USP24: variants seen among roughly 807,000 people sequenced by gnomAD.
The protein encoded by USP24 is ubiquitin carboxyl-terminal hydrolase 24.
A neutral mutation model predicts 361.6 loss-of-function variants in USP24; 97 were observed. The observed-to-expected ratio is 0.27, with a 90% CI of 0.23 to 0.32. The LOEUF (loss-of-function observed/expected upper bound fraction) is 0.32. Ranked by LOEUF, USP24 falls within the 10% of genes least tolerant of loss-of-function variation. The pLI, the probability that USP24 is intolerant of heterozygous loss-of-function variation, is 1.00. For missense variants in USP24, 2,353 were observed against 3,165.6 expected, an observed-to-expected ratio of 0.74 and a Z score of 6.16; for synonymous variants, 1,098 against 1,124.6, an observed-to-expected ratio of 0.98 and a Z score of 0.47.
At chr1:55,154,049 T>C (rs561082540) in intron 15 of USP24, 70 bp downstream of exon 15, 53 of 1,600,636 alleles carry the variant, frequency 3.3e-5, no homozygotes, top group Non-Finnish European at 4.3e-5. Flanking sequence ...GGGAGGAAAA[T>C]TATTTGGCTC....
intron 1 of USP24, among the ~76,000 whole-genome samples, chr1:55,185,784 T>C (rs1371683959): frequency 6.6e-6 from 1 of 151,992 alleles, no homozygotes; most frequent in Admixed American, 6.6e-5. Context: ...GTCCAGCCTG[T>C]TCTCACACTC....
chr1:55,141,586 G>T, intron 24 of USP24, 30 bp downstream of exon 24: 1 of 1,553,632 alleles, frequency 6.4e-7, no homozygotes, highest in African/African-American at 1.4e-5. Flanking sequence ...ACATATGTGT[G>T]TTGTGTATTT....
At chr1:55,135,673 C>A (rs1404202068) in intron 28 of USP24, among the ~76,000 whole-genome samples, 1 of 151,964 alleles carries the variant, frequency 6.6e-6, no homozygotes, top group African/African-American at 2.4e-5. Flanking sequence ...AAGGTTTATG[C>A]TCTGTAAATT....
intron 31 of USP24, among the ~76,000 whole-genome samples, chr1:55,131,722 A>C (rs1646596673): frequency 6.6e-6 from 1 of 152,220 alleles, no homozygotes; most frequent in Non-Finnish European, 1.5e-5. Context: ...AACTTGGAAA[A>C]AATGCAGGTA....
intron 3 of USP24, among the ~76,000 whole-genome samples, chr1:55,174,887 T>G (rs1013594643): frequency 2.0e-5 from 3 of 152,206 alleles, no homozygotes; most frequent in African/African-American, 7.2e-5. Flanking sequence ...GCTTTTGGCC[T>G]CACAAAGTGC....
chr1:55,197,528 T>TTGTATGTG (rs1467714378), intron 1 of USP24, among the ~76,000 whole-genome samples: 1 of 152,216 alleles, frequency 6.6e-6, no homozygotes, highest in African/African-American at 2.4e-5. Context: ...GCACAGAGAA[T>TTGTATGTG]TGTATGTGTG....
intron 20 of USP24, among the ~76,000 whole-genome samples, chr1:55,145,710 T>C (rs1220550641): frequency 6.6e-6 from 1 of 152,204 alleles, no homozygotes; most frequent in Non-Finnish European, 1.5e-5. Flanking sequence ...AGGATTTCTA[T>C]ACCTTGATAC....
rs201743658 is a variant in USP24 at position 55,115,364 on chromosome 1, C to T, written c.4509-5118G>A. 6.3e-3 allele frequency among the ~76,000 whole-genome samples: 955 copies of T among 150,646 alleles called. 28 individuals carry two copies. Among genetic ancestry groups the T allele is most frequent in the East Asian group, 0.033 (167 of 5,128 alleles). ...ACAAAAAATTAGCCGGGCGTAGTGG[C>T]GGGCGCCTGTAGTCCCAGCTACCTG... On this transcript the variant is annotated intron_variant, in intron 38 of 67. Transcript: ENST00000294383.
At chr1:55,083,132 A>G in intron 58 of USP24, 140 bp downstream of exon 58, 1 of 705,798 alleles carries the variant, frequency 1.4e-6, no homozygotes. Flanking sequence ...AAGATAATTT[A>G]ACTCCAAAGA....
chr1:55,070,312 G>C lies in USP24; in HGVS notation c.7801-1205C>G, dbSNP rs188198528. Among the ~76,000 whole-genome samples the C allele has an allele frequency of 3.1e-3, 471 of 152,254 alleles. 3 individuals carry two copies. Among genetic ancestry groups the C allele is most frequent in the Non-Finnish European group, 5.3e-3 (363 of 68,014 alleles). ...TGGGTGCGGAGAGAATATGGAGTGAGGGCAGGAGGATACAGGTTAGAGACT... is the reference window on the plus strand; with the variant it reads ...TGGGTGCGGAGAGAATATGGAGTGACGGCAGGAGGATACAGGTTAGAGACT... On this transcript the variant is annotated intron_variant, in intron 67 of 67. Coordinates refer to ENST00000294383, the MANE Select transcript of USP24 (RefSeq NM_015306.3).
intron 16 of USP24, 29 bp from the exon 17 acceptor site, chr1:55,148,599 A>G: frequency 1.4e-6 from 2 of 1,467,746 alleles, no homozygotes; most frequent in Non-Finnish European, 1.8e-6. Flanking sequence ...TACATTAATT[A>G]AATTTAGAAA....
At chr1:55,176,503 A>G (rs964900131) in intron 2 of USP24, 60 bp from the exon 3 acceptor site, 42 of 1,433,712 alleles carry the variant, frequency 2.9e-5, no homozygotes, top group Non-Finnish European at 3.8e-5. Context: ...AGACCTTAGT[A>G]AAATGAATGA....
At chr1:55,173,191 AT>A (rs1384065084) in intron 3 of USP24, among the ~76,000 whole-genome samples, 1 of 152,200 alleles carries the variant, frequency 6.6e-6, no homozygotes, top group Non-Finnish European at 1.5e-5. Flanking sequence ...GTGAAAAAAA[AT>A]CTTAGAAATA....
chr1:55,199,507 G>T (rs1644506864), intron 1 of USP24, among the ~76,000 whole-genome samples: 1 of 151,974 alleles, frequency 6.6e-6, no homozygotes, highest in South Asian at 2.1e-4. Flanking sequence ...GAATGTCTTT[G>T]TCCTTAGGAG....
At chr1:55,131,658 G>T (rs1646594748) in intron 31 of USP24, among the ~76,000 whole-genome samples, 1 of 152,002 alleles carries the variant, frequency 6.6e-6, no homozygotes, top group Non-Finnish European at 1.5e-5. Context: ...AAGTGGAGTG[G>T]GAAAATGAAG....
At chr1:55,071,181 C>T in intron 67 of USP24, 2 of 986,134 alleles carry the variant, frequency 2.0e-6, no homozygotes, top group South Asian at 9.4e-5. Context: ...TATTCTGTAC[C>T]AAGTACTGTG....
chr1:55,100,745 A>C, intron 44 of USP24, 94 bp downstream of exon 44: 1 of 1,162,714 alleles, frequency 8.6e-7, no homozygotes, highest in Non-Finnish European at 1.1e-6. Flanking sequence ...AGATTAGTCT[A>C]AAGTTAATAA....
At chr1:55,081,279 G>C (rs1209051599) in intron 59 of USP24, 43 bp downstream of exon 59, 11 of 1,579,964 alleles carry the variant, frequency 7.0e-6, no homozygotes, top group Non-Finnish European at 9.6e-6. Context: ...CTCCAAGCTA[G>C]ACAAATTCAG....
At position 55,087,289 on chromosome 1, in the gene USP24, A is replaced by T. The variant is rs1645272665; in HGVS notation, c.6669-1251T>A. Among the ~76,000 whole-genome samples the T allele has an allele frequency of 3.3e-5, 5 of 152,328 alleles. No homozygotes were observed. In the South Asian group the frequency reaches 1.0e-3, roughly 32 times the overall value. ...AAAGAAACAAACTATAATAAACTCCATCAGGAAGAATGTAGAAGTAATTCA... is the reference window on the plus strand; with the variant it reads ...AAAGAAACAAACTATAATAAACTCCTTCAGGAAGAATGTAGAAGTAATTCA... On this transcript the variant is annotated intron_variant, in intron 55 of 67. Coordinates refer to ENST00000294383, the MANE Select transcript of USP24 (RefSeq NM_015306.3).
Sources: gnomAD v4.1 joint callset for allele counts (sites outside exome capture counted in the v4.1 genomes callset) on GRCh38, gnomAD v4.1.1 for gene constraint, MANE v1.5 for transcripts, NCBI Gene and HGNC (gene_info 2026-07-23, HGNC 2026-07-21) for gene names.